Variants in IQSEC1 observed in about 807,000 individuals in gnomAD.
IQSEC1 encodes the protein IQ motif and Sec7 domain ArfGEF 1.
A neutral mutation model predicts 91.0 loss-of-function variants in IQSEC1; 31 were observed. The observed-to-expected ratio is 0.34, with a 90% CI of 0.26 to 0.46. The LOEUF (loss-of-function observed/expected upper bound fraction) is 0.46, where lower values mean the gene tolerates loss of function less well. Ranked by LOEUF, IQSEC1 falls within the 20% of genes least tolerant of loss-of-function variation. IQSEC1 has a pLI of 1.00. For synonymous variants in IQSEC1, 699 were observed against 662.6 expected (o/e 1.05, Z -0.84); for missense variants, 1,388 against 1,575.6 (o/e 0.88, Z 2.02).
At chr3:12,971,718 C>G (rs975464499) in intron 1 of IQSEC1, among the ~76,000 whole-genome samples, 2 of 151,762 alleles carry the variant, frequency 1.3e-5, no homozygotes, top group African/African-American at 4.8e-5. Flanking sequence ...AGACTCTGTA[C>G]CCTCCTCCAA....
chr3:13,097,488 A>G (rs111635652), intron 2 of IQSEC1, among the ~76,000 whole-genome samples: 103 of 152,106 alleles, frequency 6.8e-4, no homozygotes, highest in African/African-American at 2.1e-3. Flanking sequence ...GTTGGCGTCA[A>G]CTTTCTGGAT....
rs538263595 is a variant in IQSEC1 at position 12,994,778 on chromosome 3, G to C, written c.24-52913C>G. Among the ~76,000 whole-genome samples, 1 of 152,264 alleles carries C rather than the reference G, an allele frequency of 6.6e-6. No homozygotes were observed. Among genetic ancestry groups the C allele is most frequent in the Non-Finnish European group, 1.5e-5 (1 of 68,048 alleles). On this transcript the variant is annotated intron_variant, in intron 1 of 13. Coordinates refer to ENST00000613206, the MANE Select transcript of IQSEC1 (RefSeq NM_001134382.3). This position sits in a 1 kb window ranked among gnomAD's most constrained non-coding sequence, Gnocchi z 4.5. ...GGGGACGGGGTGGGGACCTGGGCCT[G>C]CCGGTGCCGCCCCCATCCCTCAGCC... is the stretch of plus-strand genomic sequence containing the variant.
At chr3:12,946,137 A>G (rs555251620) in intron 1 of IQSEC1, among the ~76,000 whole-genome samples, 7 of 152,260 alleles carry the variant, frequency 4.6e-5, no homozygotes, top group Non-Finnish European at 1.0e-4. Context: ...ACCAGCATAC[A>G]TGAGTCTCTA....
chr3:13,149,882 T>G (rs1225949207), intron 2 of IQSEC1, among the ~76,000 whole-genome samples: 1 of 152,220 alleles, frequency 6.6e-6, no homozygotes, highest in Non-Finnish European at 1.5e-5. Context: ...AGTCATGACC[T>G]GTCTTCAAAG....
chr3:12,972,148 A>G (rs1477312550), intron 1 of IQSEC1, among the ~76,000 whole-genome samples: 2 of 151,908 alleles, frequency 1.3e-5, no homozygotes, highest in Admixed American at 1.3e-4. Context: ...CATCTCTACA[A>G]AAAAACAGAA....
chr3:13,106,137 CAG>C (rs1706147620), intron 2 of IQSEC1, among the ~76,000 whole-genome samples: 1 of 152,176 alleles, frequency 6.6e-6, no homozygotes, highest in Admixed American at 6.5e-5. Context: ...GCATTCTGAA[CAG>C]AGAGAGGAAT....
intron 2 of IQSEC1, among the ~76,000 whole-genome samples, chr3:13,090,436 A>G (rs1289452228): frequency 1.3e-5 from 2 of 152,194 alleles, no homozygotes; most frequent in Non-Finnish European, 2.9e-5. Context: ...GAATGATTGC[A>G]ATCTGAGCTC....
At chr3:13,227,957 AT>A (rs1694785640) in intron 1 of IQSEC1, among the ~76,000 whole-genome samples, 1 of 152,076 alleles carries the variant, frequency 6.6e-6, no homozygotes, top group Non-Finnish European at 1.5e-5. Flanking sequence ...ACCCCCCACC[AT>A]CCCCAGCAGC....
chr3:13,271,453 T>G (rs1471118243), intron 1 of IQSEC1, among the ~76,000 whole-genome samples: 1 of 152,042 alleles, frequency 6.6e-6, no homozygotes, highest in Non-Finnish European at 1.5e-5. Context: ...CCAAAATACA[T>G]GAAGTGTTTA....
At chr3:12,976,552 C>T (rs1701183569) in intron 1 of IQSEC1, among the ~76,000 whole-genome samples, 1 of 151,524 alleles carries the variant, frequency 6.6e-6, no homozygotes, top group Non-Finnish European at 1.5e-5. Flanking sequence ...ACATGAAGGG[C>T]TCTACGACAA....
At chr3:13,200,059 CCA>C (rs60551594) in intron 1 of IQSEC1, among the ~76,000 whole-genome samples, 36,714 of 150,888 alleles carry the variant, frequency 0.24, 4,456 homozygotes, top group South Asian at 0.34. Context: ...CGCACACACA[CCA>C]CACACATACA....
intron 1 of IQSEC1, among the ~76,000 whole-genome samples, chr3:12,943,501 T>C (rs1239283874): frequency 6.6e-6 from 1 of 152,148 alleles, no homozygotes; most frequent in Non-Finnish European, 1.5e-5. Flanking sequence ...CACTCAACCC[T>C]GGGCTAGAAG....
intron 2 of IQSEC1, among the ~76,000 whole-genome samples, chr3:13,140,252 C>T (rs1706778532): frequency 6.6e-6 from 1 of 152,124 alleles, no homozygotes; most frequent in Non-Finnish European, 1.5e-5. Flanking sequence ...TGTCTCAGTC[C>T]CCTACCAAGG....
chr3:12,962,382 A>G (rs968157616), intron 1 of IQSEC1, among the ~76,000 whole-genome samples: 3 of 151,768 alleles, frequency 2.0e-5, no homozygotes, highest in Non-Finnish European at 4.4e-5. Flanking sequence ...CATCAGGGAG[A>G]AAGTATTCAT....
chr3:13,083,020 A>G (rs1705671743), intron 2 of IQSEC1, among the ~76,000 whole-genome samples: 1 of 152,094 alleles, frequency 6.6e-6, no homozygotes, highest in Admixed American at 6.5e-5. Context: ...ACAGTCGTCG[A>G]CCTGAGAAGG....
At chr3:13,128,215 G>A (rs1159563447) in intron 2 of IQSEC1, among the ~76,000 whole-genome samples, 2 of 152,200 alleles carry the variant, frequency 1.3e-5, no homozygotes, top group Admixed American at 1.3e-4. Context: ...AATCACAGTA[G>A]GGAGAGACAT....
chr3:13,142,551 C>T (rs915559604), intron 2 of IQSEC1, among the ~76,000 whole-genome samples: 1 of 152,038 alleles, frequency 6.6e-6, no homozygotes, highest in African/African-American at 2.4e-5. Context: ...CCTCACCAGC[C>T]TGCTTTCCGA....
chr3:13,044,251 G>T (rs762290977), intron 1 of IQSEC1, among the ~76,000 whole-genome samples: 1 of 152,226 alleles, frequency 6.6e-6, no homozygotes, highest in Non-Finnish European at 1.5e-5. Flanking sequence ...AATATCTGGA[G>T]AAATTTTGGT....
intron 1 of IQSEC1, among the ~76,000 whole-genome samples, chr3:13,020,418 A>G (rs1374304846): frequency 6.6e-6 from 1 of 152,204 alleles, no homozygotes; most frequent in African/African-American, 2.4e-5. Flanking sequence ...CCCGCCATTG[A>G]GGCTGAGGCC....
Sources: gnomAD v4.1 joint callset for allele counts (sites outside exome capture counted in the v4.1 genomes callset) on GRCh38, gnomAD v4.1.1 for gene constraint, Gnocchi (gnomAD v3.1) non-coding constraint, MANE v1.5 for transcripts, NCBI Gene and HGNC (gene_info 2026-07-23, HGNC 2026-07-21) for gene names.